Variants in SLC39A11 observed in about 807,000 individuals in gnomAD.
The protein encoded by SLC39A11 is zinc transporter ZIP11.
Under a neutral mutation model 36.1 loss-of-function variants are expected in SLC39A11, and 33 were observed. The observed-to-expected ratio is 0.91, with a 90% confidence interval of 0.69 to 1.22. The LOEUF is 1.22. SLC39A11 is among the 50% of genes most tolerant of loss of function. SLC39A11 has a pLI of 0.00. For missense variants in SLC39A11, 432 were observed against 430.3 expected, an observed-to-expected ratio of 1.00 and a Z score of -0.03; for synonymous variants, 166 against 170.3, an observed-to-expected ratio of 0.97 and a Z score of 0.20.
intron 5 of SLC39A11, among the ~76,000 whole-genome samples, chr17:72,896,108 T>C (rs2082012331): frequency 6.6e-6 from 1 of 151,220 alleles, no homozygotes; most frequent in African/African-American, 2.4e-5. Context: ...TTGTAATAGA[T>C]AGGATTTTTA....
chr17:72,653,585 G>A (rs2069968546), intron 7 of SLC39A11, among the ~76,000 whole-genome samples: 1 of 151,878 alleles, frequency 6.6e-6, no homozygotes, highest in African/African-American at 2.4e-5. Flanking sequence ...GATTACAAGT[G>A]CCCACCACCA....
intron 6 of SLC39A11, among the ~76,000 whole-genome samples, chr17:72,766,164 C>A (rs775540014): frequency 3.9e-5 from 6 of 152,134 alleles, no homozygotes; most frequent in Non-Finnish European, 7.4e-5. Context: ...AGAATGACAC[C>A]TACCCCACAA....
intron 6 of SLC39A11, among the ~76,000 whole-genome samples, chr17:72,767,692 C>G (rs1346986422): frequency 6.6e-6 from 1 of 152,154 alleles, no homozygotes; most frequent in Non-Finnish European, 1.5e-5. Flanking sequence ...TGTGTACGTT[C>G]CCTTCATTAC....
chr17:73,006,653 C>CAT, intron 4 of SLC39A11, among the ~76,000 whole-genome samples: 1 of 77,846 alleles, frequency 1.3e-5, no homozygotes, highest in Non-Finnish European at 2.2e-5. Flanking sequence ...AGTTTGTAAA[C>CAT]ACACACACAC....
intron 5 of SLC39A11, among the ~76,000 whole-genome samples, chr17:72,905,232 C>T (rs574210336): frequency 3.5e-4 from 50 of 141,818 alleles, no homozygotes; most frequent in African/African-American, 1.2e-3. Context: ...TGGAGAATGA[C>T]CAGTATGAAA....
At chr17:73,069,588 T>C (rs1369807532) in intron 3 of SLC39A11, among the ~76,000 whole-genome samples, 2 of 152,234 alleles carry the variant, frequency 1.3e-5, no homozygotes, top group Non-Finnish European at 2.9e-5. Flanking sequence ...TCCCCTTTTA[T>C]GAGCAAGCCA....
chr17:72,849,931 T>C, intron 5 of SLC39A11, 127 bp from the exon 6 acceptor site: 1 of 931,168 alleles, frequency 1.1e-6, no homozygotes, highest in Non-Finnish European at 1.5e-6. Flanking sequence ...TCTTACTCTG[T>C]CACCCAGCCT....
intron 4 of SLC39A11, among the ~76,000 whole-genome samples, chr17:72,993,588 A>T (rs184060522): frequency 2.8e-3 from 421 of 152,296 alleles, no homozygotes; most frequent in African/African-American, 9.0e-3. Context: ...TGACTAATCA[A>T]TCCTTTTCCC....
intron 6 of SLC39A11, among the ~76,000 whole-genome samples, chr17:72,833,258 A>T (rs1046288037): frequency 6.4e-4 from 20 of 31,490 alleles, no homozygotes; most frequent in Non-Finnish European, 2.0e-3. Context: ...TGTAGCGATT[A>T]TTAATAACCG....
intron 5 of SLC39A11, among the ~76,000 whole-genome samples, chr17:72,859,860 C>T (rs1436999036): frequency 1.4e-5 from 2 of 141,930 alleles, no homozygotes; most frequent in Non-Finnish European, 3.0e-5. Flanking sequence ...TGGTGGCACA[C>T]GCCTATAGTC....
At chr17:72,667,412 C>A (rs1040766751) in intron 7 of SLC39A11, among the ~76,000 whole-genome samples, 5 of 152,228 alleles carry the variant, frequency 3.3e-5, no homozygotes, top group Non-Finnish European at 7.3e-5. Flanking sequence ...AAATCTTTTC[C>A]TTCCTTGCAC....
At chr17:73,047,945 C>A (rs1251033031) in intron 3 of SLC39A11, among the ~76,000 whole-genome samples, 9 of 110,526 alleles carry the variant, frequency 8.1e-5, no homozygotes, top group Non-Finnish European at 1.5e-4. Flanking sequence ...TCCAATCTGG[C>A]GACAGAGCAA....
intron 4 of SLC39A11, among the ~76,000 whole-genome samples, chr17:72,989,694 C>T (rs2089031919): frequency 6.6e-6 from 1 of 152,204 alleles, no homozygotes; most frequent in Admixed American, 6.5e-5. Context: ...TCTTATTCCA[C>T]TGTTTCAAGA....
intron 4 of SLC39A11, among the ~76,000 whole-genome samples, chr17:73,007,809 C>T (rs773801978): frequency 1.3e-5 from 2 of 152,176 alleles, no homozygotes; most frequent in Non-Finnish European, 2.9e-5. Flanking sequence ...TCGTCAGAAA[C>T]ATTTGTGGTT....
chr17:72,849,983 T>G (rs1393112302), intron 5 of SLC39A11, among the ~76,000 whole-genome samples, 179 bp from the exon 6 acceptor site: 1 of 151,426 alleles, frequency 6.6e-6, no homozygotes, highest in Non-Finnish European at 1.5e-5. Context: ...AGCCCCAACT[T>G]CCCGGGCTCA....
At chr17:72,867,704 C>A (rs919122118) in intron 5 of SLC39A11, among the ~76,000 whole-genome samples, 6 of 152,210 alleles carry the variant, frequency 3.9e-5, no homozygotes, top group Admixed American at 3.9e-4. Flanking sequence ...CATACCCACA[C>A]ACAAGAAAGG....
At chr17:72,820,473 C>A (rs989917445) in intron 6 of SLC39A11, among the ~76,000 whole-genome samples, 2 of 151,206 alleles carry the variant, frequency 1.3e-5, no homozygotes, top group Non-Finnish European at 3.0e-5. Context: ...GCTCAGAGCA[C>A]CCTCACAACC....
intron 4 of SLC39A11, among the ~76,000 whole-genome samples, chr17:73,026,788 A>G (rs932735331): frequency 6.6e-6 from 1 of 151,910 alleles, no homozygotes; most frequent in Non-Finnish European, 1.5e-5. Flanking sequence ...CACCCTACCC[A>G]TCAACCCACC....
chr17:72,810,052 A>C (rs2077383850), intron 6 of SLC39A11, among the ~76,000 whole-genome samples: 1 of 150,236 alleles, frequency 6.7e-6, no homozygotes, highest in Non-Finnish European at 1.5e-5. Flanking sequence ...TGAAAGAATG[A>C]GACTCTGTCT....
Sources: allele counts gnomAD v4.1 joint callset (sites outside exome capture counted in the v4.1 genomes callset), GRCh38; gene constraint gnomAD v4.1.1; transcripts MANE v1.5; gene names NCBI Gene and HGNC (gene_info 2026-07-23, HGNC 2026-07-21).